The following GNG7 variants were observed in gnomAD, a reference collection of about 807,000 sequenced individuals.
GNG7 encodes the protein G protein subunit gamma 7.
Under a neutral mutation model 4.0 loss-of-function variants are expected in GNG7, and 1 was observed. That is an observed-to-expected ratio of 0.25 (90% CI 0.09 to 1.18). GNG7 has a LOEUF of 1.18. Among genes scored for constraint, GNG7 ranks in the 50% most tolerant of loss-of-function variants. The probability of loss-of-function intolerance (pLI) is 0.50; values close to 1 mark genes in which losing one functional copy is unlikely to be tolerated. For synonymous variants in GNG7, 34 were observed against 36.9 expected, an observed-to-expected ratio of 0.92 and a Z score of 0.29; for missense variants, 86 against 91.9, an observed-to-expected ratio of 0.94 and a Z score of 0.26.
chr19:2,522,510 C>T (rs1356632048), intron 3 of GNG7, among the ~76,000 whole-genome samples: 3 of 151,972 alleles, frequency 2.0e-5, no homozygotes, highest in South Asian at 2.1e-4. Context: ...CGCGGTGGCT[C>T]ACGCCTGTAA....
Position 2,637,770 on chromosome 19 carries a change from C to T in GNG7, c.-78+8454G>A, listed in dbSNP as rs377741671. On this transcript the variant is annotated intron_variant, in intron 2 of 4. Transcript: ENST00000382159. ...CTGAGCAGCGTCCCTGGCCTCCATC[C>T]ACTCCATGCCAGGAGCATCCCTCCA... Among the ~76,000 whole-genome samples, 4 of 151,552 alleles carry T rather than the reference C, an allele frequency of 2.6e-5. No individual in the cohort carries two copies. The East Asian group carries it at 5.8e-4, about 22-fold the overall frequency.
chr19:2,696,272 G>C (rs1913245609), intron 1 of GNG7, among the ~76,000 whole-genome samples: 1 of 129,216 alleles, frequency 7.7e-6, no homozygotes, highest in African/African-American at 2.9e-5. Flanking sequence ...AAGAGAAGGA[G>C]AGAAAGAAAA....
intron 2 of GNG7, among the ~76,000 whole-genome samples, chr19:2,638,989 C>A (rs1164602590): frequency 2.0e-5 from 3 of 152,132 alleles, no homozygotes; most frequent in African/African-American, 4.8e-5. Context: ...TGTATCCCAG[C>A]ATTTTGGGAG....
At chr19:2,697,603 C>T (rs1265538184) in intron 1 of GNG7, among the ~76,000 whole-genome samples, 2 of 152,202 alleles carry the variant, frequency 1.3e-5, no homozygotes, top group Non-Finnish European at 2.9e-5. Context: ...GAAATGTCAA[C>T]GAGCGGGGAG....
At chr19:2,660,858 C>T (rs1028063436) in intron 1 of GNG7, among the ~76,000 whole-genome samples, 18 of 152,086 alleles carry the variant, frequency 1.2e-4, no homozygotes, top group Non-Finnish European at 2.5e-4. Flanking sequence ...TGGGGGAAGC[C>T]AGCTGCCATG....
At chr19:2,643,147 C>G (rs1209020452) in intron 2 of GNG7, 2 of 454,730 alleles carry the variant, frequency 4.4e-6, no homozygotes, top group Non-Finnish European at 8.8e-6. Context: ...ACCTTCCCAC[C>G]CTGCACCATG....
intron 1 of GNG7, among the ~76,000 whole-genome samples, chr19:2,646,929 G>T (rs549355211): frequency 6.6e-6 from 1 of 152,178 alleles, no homozygotes; most frequent in East Asian, 1.9e-4. Context: ...TGCCCAGAAG[G>T]CACCCAACGT....
intron 2 of GNG7, among the ~76,000 whole-genome samples, chr19:2,622,265 G>C (rs1030965678): frequency 6.6e-6 from 1 of 152,158 alleles, no homozygotes; most frequent in East Asian, 1.9e-4. Flanking sequence ...ATTTTCAGTA[G>C]AGACGGGGTT....
At chr19:2,700,777 C>T (rs1913382343) in intron 1 of GNG7, 1 of 152,206 alleles carries the variant, frequency 6.6e-6, no homozygotes, top group Non-Finnish European at 1.5e-5. Flanking sequence ...CAGCGAGAGG[C>T]TGGGTCGGAA....
At chr19:2,591,484 G>A (rs569812745) in intron 2 of GNG7, among the ~76,000 whole-genome samples, 98 of 130,028 alleles carry the variant, frequency 7.5e-4, no homozygotes, top group African/African-American at 2.6e-3. Flanking sequence ...TTAAGGGAGA[G>A]ATTATAGGGG....
At chr19:2,691,611 A>G (rs1334114972) in intron 1 of GNG7, among the ~76,000 whole-genome samples, 3 of 152,144 alleles carry the variant, frequency 2.0e-5, no homozygotes, top group African/African-American at 7.2e-5. Flanking sequence ...TCACGCCTGT[A>G]ATCCCAGCAC....
At chr19:2,538,390 A>G in intron 3 of GNG7, 1 of 415,838 alleles carries the variant, frequency 2.4e-6, no homozygotes, top group South Asian at 1.7e-5. Context: ...TGGGAGGCCA[A>G]GGCTGGAGGA....
rs575532514 is a variant in GNG7, at chr19:2,588,126, T to C, written c.-77-32938A>G. Among the ~76,000 whole-genome samples, 152 of 151,948 alleles carry C rather than the reference T, an allele frequency of 1.0e-3. 1 individual carries two copies. Among genetic ancestry groups the C allele is most frequent in the African/African-American group, 3.4e-3 (141 of 41,436 alleles). ...AAACGGCCTGTTGTGGTGTAAAAGG[T>C]CCCCGGGTACAATTTGTGCAGCAGA... On this transcript the variant is annotated intron_variant, in intron 2 of 4. Transcript: ENST00000382159.
intron 1 of GNG7, among the ~76,000 whole-genome samples, chr19:2,665,367 G>A (rs780977653): frequency 4.0e-4 from 61 of 151,946 alleles, no homozygotes; most frequent in Non-Finnish European, 6.3e-4. Context: ...CCCCTGGGGG[G>A]GGGGGGGCAG....
chr19:2,552,415 C>T (rs573682511), intron 3 of GNG7, among the ~76,000 whole-genome samples: 30 of 152,142 alleles, frequency 2.0e-4, no homozygotes, highest in East Asian at 3.9e-4. Flanking sequence ...GACAGAGTCT[C>T]GCTCTGTTGC....
intron 1 of GNG7, among the ~76,000 whole-genome samples, chr19:2,685,709 C>A (rs1983853283): frequency 6.6e-6 from 1 of 152,142 alleles, no homozygotes; most frequent in Admixed American, 6.6e-5. Context: ...GGTGGGAAGT[C>A]ACGAGGCCCC....
intron 3 of GNG7, among the ~76,000 whole-genome samples, chr19:2,522,606 C>T (rs2144729851): frequency 6.6e-6 from 1 of 151,486 alleles, no homozygotes; most frequent in Non-Finnish European, 1.5e-5. Context: ...AACCCCGTCT[C>T]CCGGGCGTGG....
At chr19:2,583,545 C>A (rs1167874325) in intron 2 of GNG7, among the ~76,000 whole-genome samples, 1 of 152,208 alleles carries the variant, frequency 6.6e-6, no homozygotes, top group African/African-American at 2.4e-5. Context: ...GGGCTGGTGG[C>A]TGCTGGCATT....
chr19:2,685,171 CA>C lies in GNG7; in HGVS notation c.-135+17474del, dbSNP rs1983841373. On this transcript the variant is annotated intron_variant, in intron 1 of 4. Coordinates refer to ENST00000382159, the MANE Select transcript of GNG7 (RefSeq NM_052847.3). ...AGAAAATAAAGTAGGATGGGAGTGCCAGGGGCTGGGGAGGGGGCTGGGGAGT... is the reference window on the plus strand; with the variant it reads ...AGAAAATAAAGTAGGATGGGAGTGCCGGGGCTGGGGAGGGGGCTGGGGAGT... 3.3e-5 allele frequency among the ~76,000 whole-genome samples: 5 copies of C among 151,328 alleles called. No homozygotes were observed. In the South Asian group the frequency reaches 1.1e-3, roughly 32 times the overall value.
Sources: gnomAD v4.1 joint callset for allele counts (sites outside exome capture counted in the v4.1 genomes callset) on GRCh38, gnomAD v4.1.1 for gene constraint, MANE v1.5 for transcripts, NCBI Gene and HGNC (gene_info 2026-07-23, HGNC 2026-07-21) for gene names.